ADAM12: variants seen among roughly 807,000 people sequenced by gnomAD.
ADAM12 encodes ADAM metallopeptidase domain 12, also known as disintegrin and metalloproteinase domain-containing protein 12.
ADAM12 carries 70 observed loss-of-function variants against 106.4 expected under a neutral mutation model. The ratio of observed to expected loss-of-function variants is 0.66; its 90% CI spans 0.54 to 0.80. The LOEUF (loss-of-function observed/expected upper bound fraction) is 0.80. Ranked by LOEUF, ADAM12 falls within the 30% of genes least tolerant of loss-of-function variation. The probability of loss-of-function intolerance (pLI) is 0.00; values close to 1 mark genes in which losing one functional copy is unlikely to be tolerated. For synonymous variants in ADAM12, 420 were observed against 433.5 expected (o/e 0.97, Z 0.39); for missense variants, 1,010 against 1,171.9 (o/e 0.86, Z 2.02).
At chr10:126,306,543 C>T (rs898396446) in intron 2 of ADAM12, among the ~76,000 whole-genome samples, 6 of 152,170 alleles carry the variant, frequency 3.9e-5, no homozygotes, top group African/African-American at 7.2e-5. Flanking sequence ...CCTTTCATAG[C>T]TCTTACAGTT....
intron 3 of ADAM12, among the ~76,000 whole-genome samples, chr10:126,264,589 G>T (rs145766023): frequency 6.6e-6 from 1 of 152,120 alleles, no homozygotes; most frequent in Non-Finnish European, 1.5e-5. Context: ...TTAGACAAAC[G>T]CCCTCGTTTT....
chr10:126,388,110 G>T lies in ADAM12; in HGVS notation c.36C>A (p.Arg12=). Residue 12 remains arginine, a synonymous_variant, in exon 1 of 23, where the codon CGC becomes CGA. Coordinates refer to ENST00000448723, the MANE Select transcript of ADAM12 (RefSeq NM_001288973.2). This position sits in a 1 kb window ranked among gnomAD's most constrained non-coding sequence, Gnocchi z 4.4. ...AARPLPVSPA[R]ALLLALAGAL... The stretch of plus-strand genomic sequence containing the variant: ...CACCGGCCAGGGCGAGCAGGAGGGC[G>T]CGGGCGGGGGACACGGGCAGCGGGC... 8.1e-7 allele frequency: 1 copy of T among 1,227,444 alleles called. No homozygotes were observed. The highest frequency in any genetic ancestry group is 1.6e-5 in the African/African-American group (1 of 64,318). The allele number at this position is 1,227,444 out of a possible 1,614,324, so 76.0% of individuals were successfully genotyped here. A position where few individuals can be genotyped will look rare whatever the true frequency, so the allele number is the denominator to read the frequency against.
chr10:126,152,995 T>G (rs973542637), intron 4 of ADAM12, among the ~76,000 whole-genome samples: 4 of 152,218 alleles, frequency 2.6e-5, no homozygotes, highest in Admixed American at 2.6e-4. Context: ...TTATTTAAAT[T>G]TATTCACATG....
intron 21 of ADAM12, among the ~76,000 whole-genome samples, chr10:126,027,035 C>G (rs1229806526): frequency 6.6e-6 from 1 of 151,976 alleles, no homozygotes; most frequent in Non-Finnish European, 1.5e-5. Context: ...TATAAAGAAT[C>G]AAATAGACAC....
chr10:126,171,897 G>T (rs1404126954), intron 3 of ADAM12, among the ~76,000 whole-genome samples: 1 of 152,204 alleles, frequency 6.6e-6, no homozygotes, highest in African/African-American at 2.4e-5. Flanking sequence ...GACATCATGT[G>T]TGCTGCTAAA....
At chr10:126,047,099 A>G (rs994254408) in intron 16 of ADAM12, among the ~76,000 whole-genome samples, 1 of 152,224 alleles carries the variant, frequency 6.6e-6, no homozygotes, top group Non-Finnish European at 1.5e-5. Flanking sequence ...GAAAGAACTC[A>G]GCCTCATTTC....
Position 126,066,682 on chromosome 10 carries a change from G to A in ADAM12, c.1413+35C>T, listed in dbSNP as rs760769786. 17 of 1,603,990 alleles carry A rather than the reference G, an allele frequency of 1.1e-5. No individual in the cohort carries two copies. Among genetic ancestry groups the A allele is most frequent in the East Asian group, 4.5e-5 (2 of 44,820 alleles). The stretch of plus-strand genomic sequence containing the variant: ...ATCTGAACCACCTGAACCTGTTGGC[G>A]ACCTGGGGGTCAAGTTGTAGCTCCG... On this transcript the variant is annotated intron_variant, in intron 13 of 22. Transcript: ENST00000448723. The surrounding 1 kb of genome is among the most constrained non-coding windows in gnomAD (Gnocchi z 5.1).
intron 1 of ADAM12, among the ~76,000 whole-genome samples, chr10:126,364,044 T>C (rs1855826505): frequency 6.6e-6 from 1 of 152,270 alleles, no homozygotes; most frequent in Admixed American, 6.5e-5. Flanking sequence ...AGTCAATTAA[T>C]ATTTTTATCA....
At chr10:126,075,883 T>C (rs1004314224) in intron 11 of ADAM12, among the ~76,000 whole-genome samples, 1 of 152,246 alleles carries the variant, frequency 6.6e-6, no homozygotes, top group Non-Finnish European at 1.5e-5. Context: ...GCTGTGCCTC[T>C]GTATGGGCCA....
At chr10:126,238,213 C>T (rs12218049) in intron 3 of ADAM12, among the ~76,000 whole-genome samples, 5,060 of 152,192 alleles carry the variant, frequency 0.033, 179 homozygotes, top group African/African-American at 0.071. Context: ...GGCAGGGTGG[C>T]TCACGCCTGT....
chr10:126,251,697 T>TGGAGAGGATGGATG (rs1491457170), intron 3 of ADAM12, among the ~76,000 whole-genome samples: 3 of 596 alleles, frequency 5.0e-3, no homozygotes, highest in African/African-American at 0.014. Flanking sequence ...ATGGATGGGA[T>TGGAGAGGATGGATG]GGATGGATAG....
chr10:126,165,119 T>G (rs1261621873), intron 3 of ADAM12, among the ~76,000 whole-genome samples: 1 of 152,192 alleles, frequency 6.6e-6, no homozygotes, highest in Non-Finnish European at 1.5e-5. Context: ...TCTTGCCATC[T>G]TCCTCCTGCC....
intron 3 of ADAM12, among the ~76,000 whole-genome samples, chr10:126,161,337 G>A (rs1458522472): frequency 6.6e-6 from 1 of 152,116 alleles, no homozygotes; most frequent in Non-Finnish European, 1.5e-5. Context: ...TTTAAAAGAG[G>A]AAACCAAGAC....
intron 9 of ADAM12, among the ~76,000 whole-genome samples, chr10:126,099,588 AC>A (rs1242085634): frequency 1.1e-4 from 17 of 152,246 alleles, no homozygotes; most frequent in Admixed American, 1.0e-3. Flanking sequence ...AAATATCAAA[AC>A]ACTCTGACTC....
At chr10:126,125,093 T>G (rs556154144) in intron 5 of ADAM12, among the ~76,000 whole-genome samples, 1 of 152,150 alleles carries the variant, frequency 6.6e-6, no homozygotes, top group African/African-American at 2.4e-5. Context: ...TCTAGCTTAT[T>G]CACTGAGTCA....
chr10:126,161,664 G>A (rs1956937597), intron 3 of ADAM12, among the ~76,000 whole-genome samples: 1 of 152,282 alleles, frequency 6.6e-6, no homozygotes, highest in East Asian at 1.9e-4. Flanking sequence ...ACTTGCCAGG[G>A]AGCATGGATG....
At chr10:126,024,538 A>G (rs1953832295) in intron 21 of ADAM12, among the ~76,000 whole-genome samples, 1 of 152,188 alleles carries the variant, frequency 6.6e-6, no homozygotes, top group Non-Finnish European at 1.5e-5. Flanking sequence ...GTTTAGAGGA[A>G]AGTTCTTAAT....
At chr10:126,274,911 T>C (rs1456227551) in intron 3 of ADAM12, among the ~76,000 whole-genome samples, 1 of 152,242 alleles carries the variant, frequency 6.6e-6, no homozygotes, top group Non-Finnish European at 1.5e-5. Context: ...TATACCCATG[T>C]TTAGCCATTT....
intron 3 of ADAM12, among the ~76,000 whole-genome samples, chr10:126,192,799 T>C (rs933303638): frequency 6.6e-6 from 1 of 152,262 alleles, no homozygotes. Flanking sequence ...AAGACCCATT[T>C]CAGCATGTGA....
Sources: gnomAD v4.1 joint callset for allele counts (sites outside exome capture counted in the v4.1 genomes callset) on GRCh38, gnomAD v4.1.1 for gene constraint, Gnocchi (gnomAD v3.1) non-coding constraint, MANE v1.5 for transcripts, NCBI Gene and HGNC (gene_info 2026-07-23, HGNC 2026-07-21) for gene names.